NUBPL: variants seen among roughly 807,000 people sequenced by gnomAD.
The protein encoded by NUBPL is iron-sulfur cluster transfer protein NUBPL.
In NUBPL, 31 loss-of-function variants were observed where a neutral mutation model predicts 45.7. The ratio of observed to expected loss-of-function variants is 0.68; its 90% CI spans 0.51 to 0.92. The LOEUF (loss-of-function observed/expected upper bound fraction) is 0.92. Among genes scored for constraint, NUBPL ranks in the 40% least tolerant of loss-of-function variants. NUBPL has a pLI of 0.00. For synonymous variants in NUBPL, 144 were observed against 140.9 expected, an observed-to-expected ratio of 1.02 and a Z score of -0.15; for missense variants, 401 against 398.7, an observed-to-expected ratio of 1.01 and a Z score of -0.05.
chr14:31,588,894 A>G (rs1386725401), intron 3 of NUBPL, among the ~76,000 whole-genome samples: 1 of 146,222 alleles, frequency 6.8e-6, no homozygotes, highest in African/African-American at 2.5e-5. Flanking sequence ...AGCCTGGGCA[A>G]CAGAGTGAGA....
At chr14:31,842,441 G>T (rs1437271241) in intron 8 of NUBPL, among the ~76,000 whole-genome samples, 1 of 152,080 alleles carries the variant, frequency 6.6e-6, no homozygotes, top group Non-Finnish European at 1.5e-5. Context: ...CAAAACCTCT[G>T]ACTTTCAAAC....
chr14:31,665,583 G>A (rs560916777), intron 4 of NUBPL, among the ~76,000 whole-genome samples: 47 of 152,106 alleles, frequency 3.1e-4, no homozygotes, highest in African/African-American at 1.1e-3. Context: ...GCACCATGGT[G>A]TGAGAGAGAG....
chr14:31,589,366 C>T (rs1053995996), intron 3 of NUBPL, among the ~76,000 whole-genome samples: 2 of 152,042 alleles, frequency 1.3e-5, no homozygotes, highest in African/African-American at 4.8e-5. Flanking sequence ...AGTAAGTTAT[C>T]TAAATCCTCA....
chr14:31,761,313 A>G (rs1037049438), intron 6 of NUBPL, among the ~76,000 whole-genome samples: 1 of 152,150 alleles, frequency 6.6e-6, no homozygotes, highest in African/African-American at 2.4e-5. Flanking sequence ...CAGCCTCCCA[A>G]GTAGGTGCAT....
At chr14:31,723,357 G>C (rs2037853063) in intron 6 of NUBPL, among the ~76,000 whole-genome samples, 1 of 152,194 alleles carries the variant, frequency 6.6e-6, no homozygotes, top group Non-Finnish European at 1.5e-5. Context: ...CTATAGAATA[G>C]TATGAAGTCA....
At chr14:31,672,196 T>C (rs1216518071) in intron 4 of NUBPL, among the ~76,000 whole-genome samples, 1 of 152,178 alleles carries the variant, frequency 6.6e-6, no homozygotes, top group Non-Finnish European at 1.5e-5. Context: ...TCTACTTTTG[T>C]GGATTTTTAT....
At chr14:31,789,319 CT>C (rs35017289) in intron 7 of NUBPL, among the ~76,000 whole-genome samples, 151,512 of 151,922 alleles carry the variant, frequency 1, 75,554 homozygotes, top group Middle Eastern at 1. Context: ...GAGTGAGACT[CT>C]TGTCTCAAAA....
At chr14:31,574,582 C>CTT (rs71115022) in intron 3 of NUBPL, among the ~76,000 whole-genome samples, 67 of 66,902 alleles carry the variant, frequency 1.0e-3, no homozygotes, top group South Asian at 1.2e-3. Context: ...TTCTTTCCTT[C>CTT]TTTTTTTTTT....
intron 7 of NUBPL, among the ~76,000 whole-genome samples, chr14:31,814,038 G>C (rs1447770378): frequency 1.3e-5 from 2 of 152,180 alleles, no homozygotes; most frequent in Non-Finnish European, 2.9e-5. Flanking sequence ...ATAATCCTTT[G>C]GGTATATACC....
Position 31,798,118 on chromosome 14 carries a change from G to A in NUBPL, c.607+10245G>A, listed in dbSNP as rs558996610. On this transcript the variant is annotated intron_variant, in intron 7 of 10. Coordinates refer to ENST00000281081, the MANE Select transcript of NUBPL (RefSeq NM_025152.3). Reference sequence around the variant, plus strand: ...CCGAGAGATCCGCTGTTAGTCTGATGTTGTGCCCCCTTATCTTTCTTACCA... The same window carrying A: ...CCGAGAGATCCGCTGTTAGTCTGATATTGTGCCCCCTTATCTTTCTTACCA... 2.2e-4 allele frequency among the ~76,000 whole-genome samples: 33 copies of A among 149,474 alleles called. 1 individual carries two copies. Among genetic ancestry groups the A allele is most frequent in the African/African-American group, 5.6e-4 (22 of 38,988 alleles).
At chr14:31,767,460 G>A (rs572676018) in intron 6 of NUBPL, among the ~76,000 whole-genome samples, 10 of 152,204 alleles carry the variant, frequency 6.6e-5, no homozygotes, top group Admixed American at 5.2e-4. Flanking sequence ...TGATCCGCCC[G>A]CCTCAGCCTC....
chr14:31,618,723 A>T (rs2034977520), intron 4 of NUBPL, among the ~76,000 whole-genome samples: 1 of 152,120 alleles, frequency 6.6e-6, no homozygotes, highest in Non-Finnish European at 1.5e-5. Flanking sequence ...AAGCAGTGTG[A>T]TGTGGTTCTG....
chr14:31,841,449 A>C (rs988691062), intron 8 of NUBPL, among the ~76,000 whole-genome samples: 4 of 152,070 alleles, frequency 2.6e-5, no homozygotes, highest in Admixed American at 2.0e-4. Context: ...TATCTGTTAA[A>C]TCTCTTGCCC....
At chr14:31,764,232 A>C (rs2038870380) in intron 6 of NUBPL, among the ~76,000 whole-genome samples, 1 of 152,182 alleles carries the variant, frequency 6.6e-6, no homozygotes, top group South Asian at 2.1e-4. Context: ...GGTCTTTGTC[A>C]TAATTTTTAT....
chr14:31,642,587 A>T (rs1455271809), intron 4 of NUBPL, among the ~76,000 whole-genome samples: 6 of 152,108 alleles, frequency 3.9e-5, no homozygotes, highest in Non-Finnish European at 5.9e-5. Flanking sequence ...TGGTTACTGT[A>T]ACTTTGTAGT....
intron 8 of NUBPL, among the ~76,000 whole-genome samples, chr14:31,840,036 T>G (rs1177080962): frequency 2.0e-5 from 3 of 152,032 alleles, no homozygotes; most frequent in African/African-American, 7.2e-5. Flanking sequence ...TTAAGGAAAA[T>G]AGTATGGAGG....
chr14:31,778,180 C>A (rs1240090205), intron 6 of NUBPL, among the ~76,000 whole-genome samples: 1 of 152,244 alleles, frequency 6.6e-6, no homozygotes, highest in Non-Finnish European at 1.5e-5. Context: ...TGCATAAGAT[C>A]TGTCTGTGGC....
chr14:31,859,308 C>A lies in NUBPL; in HGVS notation c.*128C>A, dbSNP rs2040675523. ...TGTTTTATTTCTAAGGAAAGAATGT[C>A]TTCATATTTGACTTGCTAAGCTAAG... On this transcript the variant is annotated 3_prime_UTR_variant, in exon 11 of 11. Transcript: ENST00000281081. 2.5e-6 allele frequency: 2 copies of A among 806,558 alleles called. No homozygotes were observed. Among genetic ancestry groups the A allele is most frequent in the Non-Finnish European group, 4.2e-6 (2 of 471,772 alleles). 50.0% of individuals were successfully genotyped at this position (806,558 alleles called of 1,614,324 possible).
At chr14:31,712,487 G>A (rs548058221) in intron 6 of NUBPL, among the ~76,000 whole-genome samples, 29 of 152,312 alleles carry the variant, frequency 1.9e-4, no homozygotes, top group African/African-American at 5.3e-4. Context: ...AGTGAGGCAC[G>A]CAGCCCTGGC....
Sources: allele counts gnomAD v4.1 joint callset (sites outside exome capture counted in the v4.1 genomes callset), GRCh38; gene constraint gnomAD v4.1.1; transcripts MANE v1.5; gene names NCBI Gene and HGNC (gene_info 2026-07-23, HGNC 2026-07-21).